PRKCE: variants seen among roughly 807,000 people sequenced by gnomAD.
PRKCE encodes the protein protein kinase C epsilon type.
Under a neutral mutation model 85.4 loss-of-function variants are expected in PRKCE, and 16 were observed. The ratio of observed to expected loss-of-function variants is 0.19; its 90% confidence interval spans 0.13 to 0.28. PRKCE has a LOEUF of 0.28. Among genes scored for constraint, PRKCE ranks in the 10% least tolerant of loss-of-function variants. The probability of loss-of-function intolerance (pLI) is 1.00; values close to 1 mark genes in which losing one functional copy is unlikely to be tolerated. For missense variants in PRKCE, 573 were observed against 975.2 expected, an observed-to-expected ratio of 0.59 and a Z score of 5.49; for synonymous variants, 388 against 371.5, an observed-to-expected ratio of 1.04 and a Z score of -0.51.
Position 45,958,840 on chromosome 2 carries a change from T to A in PRKCE, c.413-17589T>A, listed in dbSNP as rs1255479021. On this transcript the variant is annotated intron_variant, in intron 2 of 14. Coordinates refer to ENST00000306156, the MANE Select transcript of PRKCE (RefSeq NM_005400.3). ...TATTTTTTTTTTTTTTTTTTTTTTT[T>A]TTTTTTTTTTTTTTTAATAGAATCC... Among the ~76,000 whole-genome samples, 283 of 100,784 alleles carry A rather than the reference T, an allele frequency of 2.8e-3. 8 individuals are homozygous for A. Among genetic ancestry groups the A allele is most frequent in the African/African-American group, 9.7e-3 (269 of 27,720 alleles). 66.1% of individuals were successfully genotyped at this position (100,784 alleles called of 152,430 possible). A position where few individuals can be genotyped will look rare whatever the true frequency, so the allele number is the denominator to read the frequency against.
intron 2 of PRKCE, among the ~76,000 whole-genome samples, chr2:45,944,657 T>TTTTC (rs1700116053): frequency 1.1e-5 from 1 of 88,762 alleles, no homozygotes; most frequent in Non-Finnish European, 2.3e-5. Context: ...CCCGGCTAAT[T>TTTTC]TTTTTTTTTT....
chr2:45,986,040 A>T (rs1703298250), intron 6 of PRKCE, among the ~76,000 whole-genome samples: 1 of 152,270 alleles, frequency 6.6e-6, no homozygotes, highest in Non-Finnish European at 1.5e-5. Flanking sequence ...ACCAACATCC[A>T]AGGGTGGGCC....
Position 45,820,316 on chromosome 2 carries a change from GGT to G in PRKCE, c.349-22680_349-22679del, listed in dbSNP as rs2105328649. Among the ~76,000 whole-genome samples the G allele has an allele frequency of 1.3e-5, 2 of 152,248 alleles. 1 individual carries two copies. Among genetic ancestry groups the G allele is most frequent in the South Asian group, 4.1e-4 (2 of 4,822 alleles). ...TCCAGGGACCAGCAAGAAGGATACGGGTGTGGACCTGCCTGGTGGGGAACTCC... is the reference window on the plus strand; with the variant it reads ...TCCAGGGACCAGCAAGAAGGATACGGGTGGACCTGCCTGGTGGGGAACTCC... On this transcript the variant is annotated intron_variant, in intron 1 of 14. Coordinates refer to ENST00000306156, the MANE Select transcript of PRKCE (RefSeq NM_005400.3).
intron 2 of PRKCE, among the ~76,000 whole-genome samples, chr2:45,886,502 G>C (rs959022471): frequency 3.3e-5 from 5 of 152,152 alleles, no homozygotes; most frequent in African/African-American, 2.4e-5. Flanking sequence ...GAAGCAACAG[G>C]CTTGCTTAAA....
intron 2 of PRKCE, among the ~76,000 whole-genome samples, chr2:45,931,021 A>G (rs1417637054): frequency 6.6e-6 from 1 of 152,108 alleles, no homozygotes; most frequent in African/African-American, 2.4e-5. Flanking sequence ...TTTCATCCTT[A>G]TACCAACTCT....
At chr2:46,151,565 ACTCAACTGT>A (rs1275565330) in intron 13 of PRKCE, among the ~76,000 whole-genome samples, 2 of 150,572 alleles carry the variant, frequency 1.3e-5, no homozygotes, top group Non-Finnish European at 2.9e-5. Flanking sequence ...AACAGAAGCA[ACTCAACTGT>A]GCTGACATCA....
intron 10 of PRKCE, among the ~76,000 whole-genome samples, chr2:46,059,076 C>T (rs1031726702): frequency 2.0e-5 from 3 of 152,210 alleles, no homozygotes; most frequent in South Asian, 4.2e-4. Flanking sequence ...GTGGCAAGAC[C>T]GTGTCTCCAC....
At chr2:45,851,298 G>A (rs1481810748) in intron 2 of PRKCE, among the ~76,000 whole-genome samples, 1 of 152,244 alleles carries the variant, frequency 6.6e-6, no homozygotes, top group African/African-American at 2.4e-5. Flanking sequence ...GACATGTGAT[G>A]TATACATTGA....
At chr2:45,794,800 T>C (rs114414753) in intron 1 of PRKCE, among the ~76,000 whole-genome samples, 2,971 of 152,100 alleles carry the variant, frequency 0.02, 43 homozygotes, top group Middle Eastern at 0.065. Context: ...ACATCCTTTA[T>C]TGATCACCTA....
At chr2:46,026,900 G>A (rs542023322) in intron 10 of PRKCE, among the ~76,000 whole-genome samples, 7 of 152,326 alleles carry the variant, frequency 4.6e-5, no homozygotes, top group East Asian at 1.9e-4. Context: ...GTAAAGAAAA[G>A]CAAGGGGCCG....
chr2:45,811,182 C>G (rs1688631109), intron 1 of PRKCE, among the ~76,000 whole-genome samples: 2 of 152,206 alleles, frequency 1.3e-5, no homozygotes, highest in Non-Finnish European at 2.9e-5. Flanking sequence ...CTAGCAGCCT[C>G]AGCCTCAGCC....
intron 1 of PRKCE, among the ~76,000 whole-genome samples, chr2:45,784,573 G>A (rs1241363659): frequency 6.6e-6 from 1 of 151,626 alleles, no homozygotes; most frequent in East Asian, 1.9e-4. Context: ...TCCCATTAGA[G>A]GGTTAGAGGG....
chr2:45,987,149 G>A (rs1703393805), intron 6 of PRKCE, among the ~76,000 whole-genome samples: 1 of 152,108 alleles, frequency 6.6e-6, no homozygotes, highest in East Asian at 1.9e-4. Context: ...ATCACTGTGA[G>A]GGCTGTGGGT....
At chr2:45,681,927 T>G (rs1329683514) in intron 1 of PRKCE, among the ~76,000 whole-genome samples, 2 of 152,172 alleles carry the variant, frequency 1.3e-5, no homozygotes, top group Non-Finnish European at 2.9e-5. Flanking sequence ...TTGCATGCAT[T>G]TGTTTCTCCT....
At chr2:45,869,315 C>T (rs1460265895) in intron 2 of PRKCE, among the ~76,000 whole-genome samples, 1 of 152,208 alleles carries the variant, frequency 6.6e-6, no homozygotes, top group East Asian at 1.9e-4. Flanking sequence ...ACTGTGCATT[C>T]CGGCCATATC....
chr2:45,978,616 A>G (rs1702642201), intron 3 of PRKCE: 1 of 205,052 alleles, frequency 4.9e-6, no homozygotes, highest in Non-Finnish European at 9.8e-6. Flanking sequence ...GAGAAGAGGA[A>G]TGTCCATTCT....
In PRKCE at chr2:46,186,824, A is replaced by G. The variant is rs1054503361; in HGVS notation, c.*1943A>G. 5 of 152,744 alleles carry G rather than the reference A, an allele frequency of 3.3e-5. No individual in the cohort carries two copies. Among genetic ancestry groups the G allele is most frequent in the African/African-American group, 9.6e-5 (4 of 41,558 alleles). The allele number at this position is 152,744 out of a possible 1,614,324, so 9.5% of individuals were successfully genotyped here. A position where few individuals can be genotyped will look rare whatever the true frequency, so the allele number is the denominator to read the frequency against. Reference sequence around the variant, plus strand: ...TGGCTGGTCATAGCCTTTGTTACTAATGATGACATTCAGTTCTCTTTTGTT... The same window carrying G: ...TGGCTGGTCATAGCCTTTGTTACTAGTGATGACATTCAGTTCTCTTTTGTT... On this transcript the variant is annotated 3_prime_UTR_variant, in exon 15 of 15. Transcript: ENST00000306156.
chr2:46,124,215 C>G (rs562166014), intron 11 of PRKCE, among the ~76,000 whole-genome samples: 20 of 152,154 alleles, frequency 1.3e-4, no homozygotes, highest in African/African-American at 4.8e-4. Context: ...ATCCCAGATA[C>G]TTGGGAGGCT....
At chr2:45,771,389 G>A (rs1296934253) in intron 1 of PRKCE, among the ~76,000 whole-genome samples, 2 of 152,150 alleles carry the variant, frequency 1.3e-5, no homozygotes, top group Non-Finnish European at 2.9e-5. Context: ...GACAGCTAAT[G>A]ACAGGTTCCT....
Sources: gnomAD v4.1 joint callset for allele counts (sites outside exome capture counted in the v4.1 genomes callset) on GRCh38, gnomAD v4.1.1 for gene constraint, MANE v1.5 for transcripts, NCBI Gene and HGNC (gene_info 2026-07-23, HGNC 2026-07-21) for gene names.